The following ANKIB1 variants were observed in gnomAD, a reference collection of about 807,000 sequenced individuals.
ANKIB1 encodes ankyrin repeat and IBR domain containing 1.
A neutral mutation model predicts 122.1 loss-of-function variants in ANKIB1; 43 were observed. The ratio of observed to expected loss-of-function variants is 0.35; its 90% confidence interval spans 0.28 to 0.45. The LOEUF (loss-of-function observed/expected upper bound fraction) is 0.45, where lower values mean the gene tolerates loss of function less well. Ranked by LOEUF, ANKIB1 falls within the 20% of genes least tolerant of loss-of-function variation. The pLI, the probability that ANKIB1 is intolerant of heterozygous loss-of-function variation, is 1.00. For synonymous variants in ANKIB1, 390 were observed against 442.0 expected (o/e 0.88, Z 1.48); for missense variants, 992 against 1,329.5 (o/e 0.75, Z 3.95).
chr7:92,389,101 A>T (rs1804730043), intron 14 of ANKIB1, among the ~76,000 whole-genome samples: 1 of 152,160 alleles, frequency 6.6e-6, no homozygotes, highest in Admixed American at 6.6e-5. Flanking sequence ...TCTATTCAAC[A>T]TTCTGGAGGT....
At position 92,398,581 on chromosome 7, in the gene ANKIB1, A is replaced by G. The variant is rs2115733142; in HGVS notation, c.2902A>G (p.Asn968Asp). The change falls in exon 20 of 20, where the codon AAT (asparagine) becomes GAT (aspartate). Residue 968 changes from asparagine (N) to aspartate (D), a missense_variant. Transcript: ENST00000265742. ...TGGCCAGGACCCCAACATCAATGACAATCTTCTCGGCAACATCATGGCTTG... is the reference window on the plus strand; with the variant it reads ...TGGCCAGGACCCCAACATCAATGACGATCTTCTCGGCAACATCATGGCTTG... ...SAGQDPNIND[N>D]LLGNIMAWFH... 6.2e-7 allele frequency: 1 copy of G among 1,613,886 alleles called. No homozygotes were observed. The highest frequency in any genetic ancestry group is 2.2e-5 in the East Asian group (1 of 44,864).
chr7:92,282,114 A>G (rs1802021920), intron 1 of ANKIB1, among the ~76,000 whole-genome samples: 1 of 152,054 alleles, frequency 6.6e-6, no homozygotes, highest in Non-Finnish European at 1.5e-5. Flanking sequence ...ATGGGGCCCC[A>G]GTTGAGGCTA....
At chr7:92,335,329 A>G (rs1803264546) in intron 5 of ANKIB1, among the ~76,000 whole-genome samples, 1 of 151,950 alleles carries the variant, frequency 6.6e-6, no homozygotes, top group African/African-American at 2.4e-5. Context: ...TGACTATATC[A>G]TGTGCATTTG....
intron 2 of ANKIB1, among the ~76,000 whole-genome samples, chr7:92,297,554 T>C (rs966051788): frequency 1.3e-5 from 2 of 152,210 alleles, no homozygotes; most frequent in African/African-American, 4.8e-5. Flanking sequence ...TGCTGCTAAG[T>C]TCACTAAGTC....
chr7:92,298,045 T>C (rs1005866735), intron 2 of ANKIB1, among the ~76,000 whole-genome samples: 1 of 152,174 alleles, frequency 6.6e-6, no homozygotes, highest in African/African-American at 2.4e-5. Flanking sequence ...CATCCCCAAC[T>C]ACTCTGACCT....
At chr7:92,264,173 GT>G (rs1801622079) in intron 1 of ANKIB1, among the ~76,000 whole-genome samples, 2 of 135,552 alleles carry the variant, frequency 1.5e-5, no homozygotes, top group African/African-American at 5.4e-5. Context: ...TTTTTTTTTT[GT>G]TTGTTTGTTG....
At chr7:92,374,878 G>GA (rs113565806) in intron 11 of ANKIB1, among the ~76,000 whole-genome samples, 14 of 144,780 alleles carry the variant, frequency 9.7e-5, no homozygotes, top group Admixed American at 5.5e-4. Context: ...ACATAATCAA[G>GA]AAAAAAAAAA....
At chr7:92,261,004 C>T (rs1481938156) in intron 1 of ANKIB1, among the ~76,000 whole-genome samples, 1 of 151,586 alleles carries the variant, frequency 6.6e-6, no homozygotes, top group African/African-American at 2.4e-5. Flanking sequence ...ACTCTGCTTT[C>T]CTTTTTCTAA....
At chr7:92,330,758 C>T (rs1803155372) in intron 5 of ANKIB1, among the ~76,000 whole-genome samples, 1 of 152,074 alleles carries the variant, frequency 6.6e-6, no homozygotes, top group Non-Finnish European at 1.5e-5. Context: ...AGGAGAATGG[C>T]GTGAACCCGG....
intron 1 of ANKIB1, among the ~76,000 whole-genome samples, chr7:92,281,541 A>G (rs1370666795): frequency 6.6e-6 from 1 of 152,228 alleles, no homozygotes; most frequent in Non-Finnish European, 1.5e-5. Context: ...TGTAATATTG[A>G]ATAAACTTAG....
intron 1 of ANKIB1, among the ~76,000 whole-genome samples, chr7:92,254,719 A>T (rs1801400456): frequency 1.3e-5 from 2 of 152,112 alleles, no homozygotes; most frequent in Admixed American, 1.3e-4. Flanking sequence ...TGATATCCTT[A>T]TTATGGATAT....
chr7:92,290,704 T>A (rs1244195656), intron 1 of ANKIB1, among the ~76,000 whole-genome samples: 2 of 152,220 alleles, frequency 1.3e-5, no homozygotes, highest in Non-Finnish European at 2.9e-5. Context: ...AGTAGTTTGT[T>A]AATTTAAGTA....
intron 1 of ANKIB1, among the ~76,000 whole-genome samples, chr7:92,286,707 CT>C (rs1364027200): frequency 6.6e-6 from 1 of 151,968 alleles, no homozygotes; most frequent in African/African-American, 2.4e-5. Flanking sequence ...TCGAACTGAC[CT>C]CAGGTGATCT....
chr7:92,254,649 C>T (rs1048499701), intron 1 of ANKIB1, among the ~76,000 whole-genome samples: 4 of 152,106 alleles, frequency 2.6e-5, no homozygotes, highest in African/African-American at 9.7e-5. Flanking sequence ...ATTGCTTATT[C>T]ATATCTTTAC....
At chr7:92,279,019 G>A (rs1237153561) in intron 1 of ANKIB1, among the ~76,000 whole-genome samples, 4 of 152,276 alleles carry the variant, frequency 2.6e-5, no homozygotes, top group East Asian at 1.9e-4. Flanking sequence ...GTTTTTCCAC[G>A]TACAGCAGAG....
intron 5 of ANKIB1, among the ~76,000 whole-genome samples, chr7:92,339,148 TCTC>T (rs565021997): frequency 1.5e-3 from 216 of 147,332 alleles, no homozygotes; most frequent in African/African-American, 5.0e-3. Context: ...TTCATGCCAT[TCTC>T]CTGCCTCAGC....
chr7:92,344,457 G>A (rs1189585376), intron 6 of ANKIB1, among the ~76,000 whole-genome samples: 4 of 151,858 alleles, frequency 2.6e-5, no homozygotes, highest in East Asian at 1.9e-4. Context: ...TGCCCACCTC[G>A]GCCTCGCAAA....
intron 1 of ANKIB1, among the ~76,000 whole-genome samples, chr7:92,263,720 T>C (rs751554712): frequency 6.6e-6 from 1 of 152,204 alleles, no homozygotes; most frequent in Non-Finnish European, 1.5e-5. Context: ...ATAGTTACCA[T>C]TATAGTCATC....
At chr7:92,295,802 CTATT>C (rs2131920744) in intron 2 of ANKIB1, among the ~76,000 whole-genome samples, 1 of 152,220 alleles carries the variant, frequency 6.6e-6, no homozygotes, top group Non-Finnish European at 1.5e-5. Flanking sequence ...CATAGCAAAT[CTATT>C]TATATGAAGA....
Sources: allele counts gnomAD v4.1 joint callset (sites outside exome capture counted in the v4.1 genomes callset), GRCh38; gene constraint gnomAD v4.1.1; transcripts MANE v1.5; gene names NCBI Gene and HGNC (gene_info 2026-07-23, HGNC 2026-07-21).